Variants in SIRT1 observed in about 807,000 individuals in gnomAD.
The protein encoded by SIRT1 is NAD-dependent protein deacetylase sirtuin-1.
Under a neutral mutation model 67.9 loss-of-function variants are expected in SIRT1, and 24 were observed. That is an observed-to-expected ratio of 0.35 (90% CI 0.26 to 0.50). SIRT1 has a LOEUF of 0.50. Among genes scored for constraint, SIRT1 ranks in the 20% least tolerant of loss-of-function variants. The pLI is 0.98. For missense variants in SIRT1, 873 were observed against 937.2 expected, an observed-to-expected ratio of 0.93 and a Z score of 0.89; for synonymous variants, 378 against 350.7, an observed-to-expected ratio of 1.08 and a Z score of -0.87.
intron 2 of SIRT1, among the ~76,000 whole-genome samples, chr10:67,888,550 T>A (rs1842521377): frequency 6.6e-6 from 1 of 152,246 alleles, no homozygotes; most frequent in South Asian, 2.1e-4. Flanking sequence ...ACGATTTTTC[T>A]ATGTCGTAGA....
At chr10:67,885,549 G>A in intron 1 of SIRT1, 1 of 482,514 alleles carries the variant, frequency 2.1e-6, no homozygotes, top group Non-Finnish European at 2.8e-6. Context: ...ACTTAAGTCT[G>A]CAACTTTTTG....
chr10:67,897,848 G>A (rs973460717), intron 4 of SIRT1, among the ~76,000 whole-genome samples: 10 of 151,818 alleles, frequency 6.6e-5, no homozygotes, highest in African/African-American at 1.9e-4. Flanking sequence ...ATAAGTTGTG[G>A]TCATGGTTCT....
At chr10:67,906,997 C>CT (rs1401115500) in intron 5 of SIRT1, 60 bp downstream of exon 5, 1 of 1,403,110 alleles carries the variant, frequency 7.1e-7, no homozygotes, top group Non-Finnish European at 9.5e-7. Context: ...AAGATATTTC[C>CT]TATAAAGCTG....
chr10:67,895,673 A>G (rs1183503559), intron 4 of SIRT1, among the ~76,000 whole-genome samples: 1 of 151,140 alleles, frequency 6.6e-6, no homozygotes, highest in African/African-American at 2.4e-5. Context: ...TTTTTTTTGG[A>G]AAGAATTTCT....
chr10:67,905,747 A>G (rs1007016626), intron 4 of SIRT1, among the ~76,000 whole-genome samples: 15 of 152,236 alleles, frequency 9.9e-5, no homozygotes, highest in African/African-American at 3.1e-4. Context: ...ATTTTTGCTT[A>G]GTAACAAAAA....
intron 5 of SIRT1, among the ~76,000 whole-genome samples, 194 bp from the exon 6 acceptor site, chr10:67,907,852 C>G (rs1364556429): frequency 6.6e-6 from 1 of 152,152 alleles, no homozygotes; most frequent in South Asian, 2.1e-4. Context: ...ATAAATTCTT[C>G]ATCCCCTAGA....
chr10:67,905,094 A>G (rs894600619), intron 4 of SIRT1, among the ~76,000 whole-genome samples: 4 of 152,086 alleles, frequency 2.6e-5, no homozygotes, highest in African/African-American at 9.7e-5. Context: ...TAAATTCTGC[A>G]TTTGGCATGC....
intron 6 of SIRT1, 64 bp downstream of exon 6, chr10:67,908,189 A>G: frequency 7.1e-7 from 1 of 1,411,568 alleles, no homozygotes; most frequent in East Asian, 2.3e-5. Context: ...TTTTGCCTCA[A>G]AATCCTTTTT....
At position 67,917,859 on chromosome 10, in the gene SIRT1, A is replaced by T. The variant is rs1055567701; in HGVS notation, c.*1266A>T. Reference sequence around the variant, plus strand: ...CTGCAAAAGCTTCTAGTCTTTCAAGAAGTTCATACTTTATGAAATTGCACA... The same window carrying T: ...CTGCAAAAGCTTCTAGTCTTTCAAGTAGTTCATACTTTATGAAATTGCACA... On this transcript the variant is annotated 3_prime_UTR_variant, in exon 9 of 9. Coordinates refer to ENST00000212015, the MANE Select transcript of SIRT1 (RefSeq NM_012238.5). 7 of 152,618 alleles carry T rather than the reference A, an allele frequency of 4.6e-5. No individual in the cohort carries two copies. The highest frequency in any genetic ancestry group is 1.7e-4 in the African/African-American group (7 of 41,472). The allele number at this position is 152,618 out of a possible 1,614,324, so 9.5% of individuals were successfully genotyped here.
intron 3 of SIRT1, among the ~76,000 whole-genome samples, chr10:67,891,031 A>G (rs201881290): frequency 5.6e-5 from 3 of 53,682 alleles, no homozygotes; most frequent in African/African-American, 9.8e-5. Context: ...CTCTGTCTCA[A>G]AAAAAAAAAA....
intron 1 of SIRT1, 80 bp downstream of exon 1, chr10:67,885,231 G>C: frequency 1.6e-6 from 2 of 1,259,348 alleles, no homozygotes; most frequent in Non-Finnish European, 2.0e-6. Flanking sequence ...GGTTGAGGGC[G>C]GCTGGGGGCT....
intron 7 of SIRT1, 77 bp downstream of exon 7, chr10:67,909,519 T>A: frequency 8.6e-7 from 1 of 1,163,740 alleles, no homozygotes; most frequent in Non-Finnish European, 1.2e-6. Flanking sequence ...TAGACGCTAG[T>A]AATCTTAACT....
intron 5 of SIRT1, 69 bp from the exon 6 acceptor site, chr10:67,907,977 A>G: frequency 7.7e-7 from 1 of 1,291,350 alleles, no homozygotes; most frequent in Non-Finnish European, 1.1e-6. Context: ...AAACTTTATA[A>G]CGTTTGTGGT....
chr10:67,913,328 T>A (rs1842928189), intron 8 of SIRT1, among the ~76,000 whole-genome samples: 1 of 152,212 alleles, frequency 6.6e-6, no homozygotes. Context: ...GGTCAGCTGC[T>A]TTACATATGT....
chr10:67,909,524 T>A, intron 7 of SIRT1, 82 bp downstream of exon 7: 1 of 1,129,494 alleles, frequency 8.9e-7, no homozygotes, highest in Non-Finnish European at 1.2e-6. Context: ...GCTAGTAATC[T>A]TAACTCTGCT....
intron 4 of SIRT1, among the ~76,000 whole-genome samples, chr10:67,903,118 T>C (rs34957592): frequency 1.7e-3 from 266 of 152,210 alleles, no homozygotes; most frequent in South Asian, 5.6e-3. Flanking sequence ...AATTTTGTTA[T>C]GTTGTGCGGG....
chr10:67,885,414 G>A (rs1842461019), intron 1 of SIRT1: 2 of 1,225,762 alleles, frequency 1.6e-6, no homozygotes, highest in African/African-American at 1.6e-5. Flanking sequence ...GGAGACTCTC[G>A]CAGTCGCTTT....
At chr10:67,895,735 TTTTTTTTTTTTTG>T (rs1327185810) in intron 4 of SIRT1, among the ~76,000 whole-genome samples, 71 of 78,480 alleles carry the variant, frequency 9.0e-4, no homozygotes, top group African/African-American at 3.3e-3. Flanking sequence ...ATTAACTTGT[TTTTTTTTTTTTTG>T]TTTTTTTTTT....
intron 8 of SIRT1, 94 bp downstream of exon 8, chr10:67,913,125 C>G: frequency 1.6e-6 from 2 of 1,244,502 alleles, no homozygotes; most frequent in Non-Finnish European, 2.2e-6. Context: ...GATAGGGTAG[C>G]TTTATGTAGT....
Sources: allele counts gnomAD v4.1 joint callset (sites outside exome capture counted in the v4.1 genomes callset), GRCh38; gene constraint gnomAD v4.1.1; transcripts MANE v1.5; gene names NCBI Gene and HGNC (gene_info 2026-07-23, HGNC 2026-07-21).